The following TTC28 variants were observed in gnomAD, a reference collection of about 807,000 sequenced individuals.
TTC28 encodes the protein tetratricopeptide repeat protein 28.
In TTC28, 61 loss-of-function variants were observed where a neutral mutation model predicts 198.0. The observed-to-expected ratio is 0.31, with a 90% CI of 0.25 to 0.38. TTC28 has a LOEUF of 0.38. Ranked by LOEUF, TTC28 falls within the 10% of genes least tolerant of loss-of-function variation. The pLI is 1.00. For synonymous variants in TTC28, 1,171 were observed against 1,297.8 expected (o/e 0.90, Z 2.10); for missense variants, 2,678 against 3,164.0 (o/e 0.85, Z 3.69).
At chr22:28,273,599 T>C (rs1314262213) in intron 5 of TTC28, among the ~76,000 whole-genome samples, 2 of 151,592 alleles carry the variant, frequency 1.3e-5, no homozygotes, top group South Asian at 4.2e-4. Context: ...CAAAGTATAA[T>C]GGACATATGG....
intron 2 of TTC28, among the ~76,000 whole-genome samples, chr22:28,433,083 G>T (rs2047456297): frequency 6.6e-6 from 1 of 152,048 alleles, no homozygotes; most frequent in South Asian, 2.1e-4. Flanking sequence ...CTGGATGACT[G>T]GCCAGCAAAG....
In TTC28 at chr22:28,202,795, T is replaced by G. The variant is rs1036814127; in HGVS notation, c.934-39196A>C. Among the ~76,000 whole-genome samples, 53 of 152,252 alleles carry G rather than the reference T, an allele frequency of 3.5e-4. 1 individual carries two copies. Among genetic ancestry groups the G allele is most frequent in the Non-Finnish European group, 5.4e-4 (37 of 68,022 alleles). ...GTTTTGTTTTTCATCTTTTGAATGT[T>G]TCAAACAGAGAAAGTATAAAAAATA... On this transcript the variant is annotated intron_variant, in intron 5 of 22. Coordinates refer to ENST00000397906, the MANE Select transcript of TTC28 (RefSeq NM_001145418.2).
intron 2 of TTC28, among the ~76,000 whole-genome samples, chr22:28,460,930 G>A (rs541506098): frequency 4.6e-5 from 7 of 151,948 alleles, no homozygotes; most frequent in Non-Finnish European, 5.9e-5. Flanking sequence ...ACTCTCCTCC[G>A]ACCTTGGCTT....
At chr22:28,066,443 TA>T (rs1330335457) in intron 12 of TTC28, among the ~76,000 whole-genome samples, 2 of 152,182 alleles carry the variant, frequency 1.3e-5, no homozygotes, top group Non-Finnish European at 2.9e-5. Context: ...TCACTCATCC[TA>T]CATAACTGAA....
rs1004337212 is a variant in TTC28, at chr22:27,996,258, C to G, written c.5121G>C (p.Gly1707=). Reference sequence around the variant, plus strand: ...TAACGTCACTCCCGATGAGCATGAACCCTGCAGAAAGCAAAGGAGGGCACC... The same window carrying G: ...TAACGTCACTCCCGATGAGCATGAAGCCTGCAGAAAGCAAAGGAGGGCACC... ...KAFSHPSNWA[G]FMLIGSDVKL... is the part of the protein sequence containing the mutation. Residue 1707 remains glycine (G), a splice_region_variant and synonymous_variant, in exon 17 of 23, where the codon GGG becomes GGC. Transcript: ENST00000397906. The G allele has an allele frequency of 3.6e-5, 56 of 1,550,672 alleles. No homozygotes were observed. The Admixed American group carries it at 1.1e-3, about 30-fold the overall frequency.
intron 5 of TTC28, among the ~76,000 whole-genome samples, chr22:28,254,354 A>G (rs1031031915): frequency 6.6e-6 from 1 of 152,142 alleles, no homozygotes; most frequent in Non-Finnish European, 1.5e-5. Flanking sequence ...GAAGAACATC[A>G]ACATTCAGTG....
At chr22:28,204,689 CT>C (rs1480107403) in intron 5 of TTC28, among the ~76,000 whole-genome samples, 2 of 152,074 alleles carry the variant, frequency 1.3e-5, no homozygotes, top group East Asian at 3.9e-4. Flanking sequence ...TAAAAAAACA[CT>C]TAATCTTTGC....
rs374375220 is a variant in TTC28, at chr22:28,590,320, G to A, written c.381+39232C>T. 5.3e-3 allele frequency among the ~76,000 whole-genome samples: 810 copies of A among 151,648 alleles called. 16 individuals are homozygous for A. Among genetic ancestry groups the A allele is most frequent in the Middle Eastern group, 0.01 (3 of 294 alleles). The stretch of plus-strand genomic sequence containing the variant: ...TTTTTTTTGTATTTTTAGTAGAGAC[G>A]GGGTTTCACCATGTTAGCCAGGATG... On this transcript the variant is annotated intron_variant, in intron 2 of 22. Coordinates refer to ENST00000397906, the MANE Select transcript of TTC28 (RefSeq NM_001145418.2).
At chr22:28,193,401 A>G (rs538536480) in intron 5 of TTC28, among the ~76,000 whole-genome samples, 2 of 152,310 alleles carry the variant, frequency 1.3e-5, no homozygotes, top group East Asian at 1.9e-4. Context: ...TAACCAGCTA[A>G]CATCATAATG....
chr22:28,609,047 A>G lies in TTC28; in HGVS notation c.381+20505T>C, dbSNP rs139576555. On this transcript the variant is annotated intron_variant, in intron 2 of 22. Coordinates refer to ENST00000397906, the MANE Select transcript of TTC28 (RefSeq NM_001145418.2). ...GAAAGTACTGCCCATACACTGGGGG[A>G]AAAAAAGCAGTAATAGAAACTGTTC... Among the ~76,000 whole-genome samples, 67 of 152,228 alleles carry G rather than the reference A, an allele frequency of 4.4e-4. 1 individual carries two copies. Among genetic ancestry groups the G allele is most frequent in the African/African-American group, 1.4e-3 (59 of 41,534 alleles).
At chr22:28,258,049 T>G (rs573963753) in intron 5 of TTC28, among the ~76,000 whole-genome samples, 18 of 152,140 alleles carry the variant, frequency 1.2e-4, no homozygotes, top group Non-Finnish European at 2.1e-4. Context: ...TCCTCCTGTC[T>G]TCTATCTTCA....
chr22:28,575,509 T>C (rs1467838683), intron 2 of TTC28, among the ~76,000 whole-genome samples: 1 of 152,174 alleles, frequency 6.6e-6, no homozygotes, highest in African/African-American at 2.4e-5. Flanking sequence ...TGTGGTTCCA[T>C]ATAAATTTTA....
chr22:28,214,760 G>A (rs746610705), intron 5 of TTC28, among the ~76,000 whole-genome samples: 7 of 152,194 alleles, frequency 4.6e-5, no homozygotes, highest in Non-Finnish European at 1.0e-4. Context: ...AATACCATTT[G>A]ATCCAGCAAT....
intron 2 of TTC28, among the ~76,000 whole-genome samples, chr22:28,617,441 G>A (rs543898944): frequency 7.2e-5 from 11 of 152,014 alleles, no homozygotes; most frequent in Admixed American, 1.3e-4. Flanking sequence ...GGAGTTTCAG[G>A]CTGCAGTGAC....
chr22:28,316,221 AG>A (rs1048426314), intron 2 of TTC28, among the ~76,000 whole-genome samples: 1 of 152,110 alleles, frequency 6.6e-6, no homozygotes, highest in African/African-American at 2.4e-5. Flanking sequence ...CGACTGTGCA[AG>A]TTCCCTTATC....
At chr22:28,215,398 AAAG>A (rs1927309875) in intron 5 of TTC28, among the ~76,000 whole-genome samples, 1 of 152,198 alleles carries the variant, frequency 6.6e-6, no homozygotes, top group Non-Finnish European at 1.5e-5. Flanking sequence ...CACACTATGA[AAAG>A]AAGGTAGAGG....
At position 27,982,242 on chromosome 22, in the gene TTC28, A is replaced by G. The variant is rs1321277372; in HGVS notation, c.7425T>C (p.Phe2475=). The G allele has an allele frequency of 4.8e-6, 7 of 1,465,826 alleles. No individual in the cohort carries two copies. Among genetic ancestry groups the G allele is most frequent in the South Asian group, 1.4e-5 (1 of 69,032 alleles). 90.8% of individuals were successfully genotyped at this position (1,465,826 alleles called of 1,614,324 possible). ...NGYKFLSPGR[F]FPSSKC ...TGCTTTAGCATTTGGAAGAAGGGAA[A>G]AATCTTCCTGGAGACAGGAACTTGT... Residue 2475 remains phenylalanine, a synonymous_variant, in exon 23 of 23, where the codon TTT becomes TTC. Transcript: ENST00000397906. This position sits in a 1 kb window ranked among gnomAD's most constrained non-coding sequence, Gnocchi z 5.2.
In TTC28 at chr22:28,265,264, G is replaced by A. The variant is rs115587965; in HGVS notation, c.933+30934C>T. Among the ~76,000 whole-genome samples, 1,324 of 152,208 alleles carry A rather than the reference G, an allele frequency of 8.7e-3. 17 individuals carry two copies. Among genetic ancestry groups the A allele is most frequent in the African/African-American group, 0.03 (1,252 of 41,544 alleles). On this transcript the variant is annotated intron_variant, in intron 5 of 22. Transcript: ENST00000397906. ...AAGCAATTGTCTTTTGTGGGGTCAC[G>A]CACACCATGTATCCATCCCACGATT...
chr22:28,656,147 A>G (rs1364985433), intron 1 of TTC28, among the ~76,000 whole-genome samples: 1 of 152,224 alleles, frequency 6.6e-6, no homozygotes, highest in East Asian at 1.9e-4. Context: ...GGAGGGACCC[A>G]GGGAACTTAA....
Sources: gnomAD v4.1 joint callset for allele counts (sites outside exome capture counted in the v4.1 genomes callset) on GRCh38, gnomAD v4.1.1 for gene constraint, Gnocchi (gnomAD v3.1) non-coding constraint, MANE v1.5 for transcripts, NCBI Gene and HGNC (gene_info 2026-07-23, HGNC 2026-07-21) for gene names.